The following KCNMA1 variants were observed in gnomAD, a reference collection of about 807,000 sequenced individuals.
KCNMA1 encodes Calcium-activated potassium channel subunit alpha-1.
Under a neutral mutation model 140.0 loss-of-function variants are expected in KCNMA1, and 29 were observed. The observed-to-expected ratio is 0.21, with a 90% CI of 0.15 to 0.28. The LOEUF (loss-of-function observed/expected upper bound fraction) is 0.28, where lower values mean the gene tolerates loss of function less well. Among genes scored for constraint, KCNMA1 ranks in the 10% least tolerant of loss-of-function variants. The pLI, the probability that KCNMA1 is intolerant of heterozygous loss-of-function variation, is 1.00. For missense variants in KCNMA1, 880 were observed against 1,602.2 expected (o/e 0.55, Z 7.70); for synonymous variants, 612 against 611.9 (o/e 1.00, Z 0.00).
At chr10:77,112,083 T>C (rs2097339453) in intron 7 of KCNMA1, among the ~76,000 whole-genome samples, 1 of 152,192 alleles carries the variant, frequency 6.6e-6, no homozygotes. Flanking sequence ...TGGCTTACTA[T>C]AGTTATTGCA....
At chr10:77,023,493 T>C (rs1170431531) in intron 16 of KCNMA1, among the ~76,000 whole-genome samples, 2 of 152,206 alleles carry the variant, frequency 1.3e-5, no homozygotes, top group African/African-American at 2.4e-5. Flanking sequence ...AGCAAGCTAA[T>C]GGGACTTCAT....
intron 19 of KCNMA1, among the ~76,000 whole-genome samples, chr10:76,996,315 A>C (rs1210783311): frequency 3.9e-5 from 6 of 152,174 alleles, no homozygotes; most frequent in Non-Finnish European, 7.3e-5. Context: ...TTTCCAGTCA[A>C]CCTATGGCTC....
chr10:77,084,331 A>G (rs2096646951), intron 12 of KCNMA1, among the ~76,000 whole-genome samples: 2 of 152,184 alleles, frequency 1.3e-5, no homozygotes, highest in South Asian at 4.1e-4. Flanking sequence ...ACTTTAATTC[A>G]GGCCAGCACC....
exon 28 of KCNMA1, chr10:76,869,655 C>A (rs539254876): frequency 2.6e-5 from 4 of 152,562 alleles, no homozygotes; most frequent in Non-Finnish European, 5.9e-5. Flanking sequence ...AAAATGAAAC[C>A]ATGTACAAGT....
chr10:77,063,931 A>G (rs1421733854), intron 14 of KCNMA1: 1 of 985,272 alleles, frequency 1.0e-6, no homozygotes, highest in African/African-American at 1.7e-5. Flanking sequence ...CTTATTTCAC[A>G]TCAGTGACTA....
intron 25 of KCNMA1, among the ~76,000 whole-genome samples, chr10:76,899,576 C>A (rs1340532310): frequency 6.6e-6 from 1 of 152,114 alleles, no homozygotes; most frequent in Non-Finnish European, 1.5e-5. Flanking sequence ...TTGGTGCTAA[C>A]AAACTCAGAG....
At chr10:77,212,248 C>T (rs1333819652) in intron 3 of KCNMA1, among the ~76,000 whole-genome samples, 1 of 152,142 alleles carries the variant, frequency 6.6e-6, no homozygotes, top group Non-Finnish European at 1.5e-5. Flanking sequence ...ACATACACAT[C>T]ATGGAATATT....
chr10:77,372,247 T>A (rs1164976360), intron 2 of KCNMA1, among the ~76,000 whole-genome samples: 2 of 152,200 alleles, frequency 1.3e-5, no homozygotes, highest in East Asian at 3.9e-4. Context: ...CTGGAATCAC[T>A]CCAAAAGGAC....
At position 76,942,352 on chromosome 10, in the gene KCNMA1, G is replaced by A. The variant is rs74469102; in HGVS notation, c.2902+2421C>T. On this transcript the variant is annotated intron_variant, in intron 23 of 27. Transcript: ENST00000286628. ...AAAGGCCCCACCACCTAATACCATC[G>A]CCTTGAGGGTTAGGATTTCAATGTA... 2.9e-3 allele frequency among the ~76,000 whole-genome samples: 447 copies of A among 152,252 alleles called. 1 individual carries two copies. The highest frequency in any genetic ancestry group is 2.9e-3 in the Non-Finnish European group (199 of 67,998).
At chr10:77,329,032 G>A (rs867660873) in intron 2 of KCNMA1, among the ~76,000 whole-genome samples, 1 of 152,090 alleles carries the variant, frequency 6.6e-6, no homozygotes, top group South Asian at 2.1e-4. Context: ...AGTATGGACA[G>A]GGTTTCACCA....
At chr10:76,911,030 G>T (rs568787335) in intron 24 of KCNMA1, 1 of 152,118 alleles carries the variant, frequency 6.6e-6, no homozygotes, top group South Asian at 2.1e-4. Context: ...AAAGTCGGTG[G>T]GGGGATGGGA....
chr10:77,611,949 C>T (rs2087078049), intron 1 of KCNMA1, among the ~76,000 whole-genome samples: 1 of 152,150 alleles, frequency 6.6e-6, no homozygotes, highest in South Asian at 2.1e-4. Flanking sequence ...TCAAGGTCCA[C>T]AAAACAGTAA....
chr10:77,352,484 A>C (rs1234469100), intron 2 of KCNMA1, among the ~76,000 whole-genome samples: 1 of 152,238 alleles, frequency 6.6e-6, no homozygotes, highest in Non-Finnish European at 1.5e-5. Flanking sequence ...ACACATGGCT[A>C]TTGAGTACTC....
intron 1 of KCNMA1, among the ~76,000 whole-genome samples, chr10:77,440,187 G>C (rs1038060990): frequency 6.6e-6 from 1 of 152,204 alleles, no homozygotes; most frequent in African/African-American, 2.4e-5. Context: ...CTATGTTCAA[G>C]ACAGTGGGCC....
intron 23 of KCNMA1, among the ~76,000 whole-genome samples, chr10:76,938,336 T>C (rs1591312743): frequency 6.6e-6 from 1 of 152,244 alleles, no homozygotes; most frequent in East Asian, 1.9e-4. Flanking sequence ...CTGCAGCCTG[T>C]CCCTCCACTC....
chr10:77,237,106 C>A (rs78354410), intron 3 of KCNMA1, among the ~76,000 whole-genome samples: 1,735 of 152,332 alleles, frequency 0.011, 30 homozygotes, highest in African/African-American at 0.04. Context: ...GTGTTTATAT[C>A]TCATCTCTCT....
At chr10:77,151,101 CTCTT>C (rs1284712323) in intron 5 of KCNMA1, among the ~76,000 whole-genome samples, 4 of 151,934 alleles carry the variant, frequency 2.6e-5, no homozygotes, top group Non-Finnish European at 5.9e-5. Flanking sequence ...TTCTCTCTCT[CTCTT>C]TTCTTCTCTC....
chr10:77,560,355 T>C (rs2065947708), intron 1 of KCNMA1, among the ~76,000 whole-genome samples: 1 of 152,200 alleles, frequency 6.6e-6, no homozygotes, highest in Non-Finnish European at 1.5e-5. Context: ...ATTACATACA[T>C]GAACATAAGT....
chr10:76,885,665 A>G lies in KCNMA1; in HGVS notation c.*1601T>C. The G allele has an allele frequency of 1.0e-6, 1 of 985,348 alleles. No individual in the cohort carries two copies. The highest frequency in any genetic ancestry group is 1.2e-6 in the Non-Finnish European group (1 of 829,880). 61.0% of individuals were successfully genotyped at this position (985,348 alleles called of 1,614,324 possible). A position where few individuals can be genotyped will look rare whatever the true frequency, so the allele number is the denominator to read the frequency against. ...TTCTTTGAAGTAAAACTTTTCAAAT[A>G]TGTATATACCAGCCTAGTCCATCCA... On this transcript the variant is annotated 3_prime_UTR_variant, in exon 28 of 28. Transcript: ENST00000286628.
Sources: allele counts gnomAD v4.1 joint callset (sites outside exome capture counted in the v4.1 genomes callset), GRCh38; gene constraint gnomAD v4.1.1; transcripts MANE v1.5; gene names NCBI Gene and HGNC (gene_info 2026-07-23, HGNC 2026-07-21).